Variants in ATM observed in about 807,000 individuals in gnomAD.
The protein encoded by ATM is serine-protein kinase ATM.
A neutral mutation model predicts 387.0 loss-of-function variants in ATM; 308 were observed. The ratio of observed to expected loss-of-function variants is 0.80; its 90% confidence interval spans 0.73 to 0.87. ATM has a LOEUF of 0.87. Among genes scored for constraint, ATM ranks in the 40% least tolerant of loss-of-function variants. The pLI, the probability that ATM is intolerant of heterozygous loss-of-function variation, is 0.00. For missense variants in ATM, 3,312 were observed against 3,560.9 expected (o/e 0.93, Z 1.78); for synonymous variants, 1,156 against 1,187.3 (o/e 0.97, Z 0.54).
Position 108,331,450 on chromosome 11 carries a change from G to A in ATM, c.7522G>A (p.Gly2508Arg), listed in dbSNP as rs754395517. Residue 2508 changes from glycine (G) to arginine (R), a missense_variant, in exon 51 of 63, where the codon GGA (glycine) becomes AGA (arginine). Transcript: ENST00000675843. ...GTCTTTTTTTTAATGGTAGAGAGAC[G>A]GAATGAAGATTCCAACATATAAATT... ...SEVNGMMKRDGMKIPTYKFLP... is the reference protein window; with the variant it reads ...SEVNGMMKRDRMKIPTYKFLP... 1.2e-5 allele frequency: 20 copies of A among 1,611,532 alleles called. No homozygotes were observed. The highest frequency in any genetic ancestry group is 4.5e-5 in the East Asian group (2 of 44,666).
At chr11:108,291,315 T>G (rs1184662746) in intron 29 of ATM, among the ~76,000 whole-genome samples, 1 of 152,266 alleles carries the variant, frequency 6.6e-6, no homozygotes, top group African/African-American at 2.4e-5. Flanking sequence ...CCATTGATTT[T>G]AATGAGATTT....
chr11:108,319,626 C>A (rs1010621160), intron 43 of ATM, among the ~76,000 whole-genome samples: 1 of 152,150 alleles, frequency 6.6e-6, no homozygotes, highest in Non-Finnish European at 1.5e-5. Context: ...ACATAAATTC[C>A]ATGAGAGTAA....
chr11:108,290,638 CAAAAAAAAAAAAAAA>C (rs10603787), intron 29 of ATM: 1 of 68,670 alleles, frequency 1.5e-5, no homozygotes, highest in Non-Finnish European at 2.5e-5. Flanking sequence ...ACTCTTGTCT[CAAAAAAAAAAAAAAA>C]AAAAAAAAAA....
chr11:108,354,448 G>T (rs1050560947), intron 60 of ATM, among the ~76,000 whole-genome samples: 1 of 152,186 alleles, frequency 6.6e-6, no homozygotes, highest in South Asian at 2.1e-4. Flanking sequence ...GCAGTTCCTT[G>T]TAGTTTTCCC....
rs995297275 is a variant in ATM at position 108,257,701 on chromosome 11, C to T, written c.2376+95C>T. On this transcript the variant is annotated intron_variant, in intron 15 of 62. Coordinates refer to ENST00000675843, the MANE Select transcript of ATM (RefSeq NM_000051.4). ...GTGGGATTGTCACAACTCATTGTAG[C>T]CTTGACCTCCTGGTTTCCAGCAATT... is the stretch of plus-strand genomic sequence containing the variant. The T allele has an allele frequency of 4.0e-6, 5 of 1,246,234 alleles. No individual in the cohort carries two copies. The South Asian group carries it at 5.0e-5, about 12-fold the overall frequency. 77.2% of individuals were successfully genotyped at this position (1,246,234 alleles called of 1,614,324 possible). A position where few individuals can be genotyped will look rare whatever the true frequency, so the allele number is the denominator to read the frequency against.
At position 108,325,413 on chromosome 11, in the gene ATM, CTACG is replaced by C; in HGVS notation, c.6677_6680del (p.Leu2226ProfsTer8). 1 of 1,613,766 alleles carries C rather than the reference CTACG, an allele frequency of 6.2e-7. No individual in the cohort carries two copies. Among genetic ancestry groups the C allele is most frequent in the Middle Eastern group, 1.7e-4 (1 of 6,058 alleles). ...TAGTTTTCAGGAGCCTATCATGGCT[CTACG>C]CACAGTCATTTTGGAGATCCTGATG... On this transcript the variant is annotated frameshift_variant, in exon 46 of 63. Coordinates refer to ENST00000675843, the MANE Select transcript of ATM (RefSeq NM_000051.4). LOFTEE classifies it high-confidence loss of function.
chr11:108,295,029 C>A lies in ATM; in HGVS notation c.4879C>A (p.Gln1627Lys), dbSNP rs886039592. 1 of 1,613,892 alleles carries A rather than the reference C, an allele frequency of 6.2e-7. No individual in the cohort carries two copies. The highest frequency in any genetic ancestry group is 8.5e-7 in the Non-Finnish European group (1 of 1,179,890). The stretch of plus-strand genomic sequence containing the variant: ...AAGACAACTGGAACTACATAAAGAT[C>A]AGATGGTGGACATTATGAGAGCTTC... ...LRRQLELHKD[Q>K]MVDIMRASQD... is the part of the protein sequence containing the mutation. The change falls in exon 32 of 63, where the codon CAG becomes AAG. Residue 1627 changes from glutamine (Q) to lysine (K), a missense_variant. Physicochemically the swap from Gln to Lys is moderately conservative, Grantham distance 53. Coordinates refer to ENST00000675843, the MANE Select transcript of ATM (RefSeq NM_000051.4).
chr11:108,305,480 T>C (rs1328856012), intron 37 of ATM, among the ~76,000 whole-genome samples: 2 of 152,074 alleles, frequency 1.3e-5, no homozygotes, highest in Non-Finnish European at 2.9e-5. Context: ...CTTGGGAGGC[T>C]GAGGCAGGAG....
intron 31 of ATM, among the ~76,000 whole-genome samples, chr11:108,293,895 AT>A (rs61011291): frequency 0.016 from 1,497 of 92,668 alleles, 20 homozygotes; most frequent in African/African-American, 0.043. Flanking sequence ...AAAAAAAAAA[AT>A]ATATATATAT....
chr11:108,333,022 AT>A, intron 53 of ATM, 122 bp downstream of exon 53: 1 of 1,254,664 alleles, frequency 8.0e-7, no homozygotes, highest in Non-Finnish European at 1.1e-6. Context: ...CAAAAGCTTA[AT>A]TTATATCTGA....
chr11:108,249,432 C>T (rs1299460934), intron 9 of ATM, among the ~76,000 whole-genome samples: 1 of 152,270 alleles, frequency 6.6e-6, no homozygotes, highest in East Asian at 1.9e-4. Context: ...TTTTAGCATA[C>T]GTAGCACCTT....
rs1565357383 is a variant in ATM, at chr11:108,235,822, C to T, written c.484C>T (p.Gln162Ter). ...AAAATACTGGTGTGAAATATCTCAG[C>T]AACAGTGGTTAGGTATGTTTTGAAG... The part of the protein sequence containing the change: ...VRKYWCEISQ[Q>*]QWLELFSVYF... Residue 162 changes from glutamine to a stop codon, truncating the protein, a stop_gained, in exon 5 of 63, where the codon CAA (glutamine) becomes TAA (stop). Transcript: ENST00000675843. LOFTEE classifies it high-confidence loss of function. 1 of 1,613,776 alleles carries T rather than the reference C, an allele frequency of 6.2e-7. No homozygotes were observed. The highest frequency in any genetic ancestry group is 8.5e-7 in the Non-Finnish European group (1 of 1,179,834).
chr11:108,367,918 ACTTAAAATGT>A lies in ATM; in HGVS notation c.*2414_*2423del, dbSNP rs1249951277. On this transcript the variant is annotated 3_prime_UTR_variant, in exon 63 of 63. Transcript: ENST00000675843. ...ATAGTAAATCAAGGAAATGCAGTAA[ACTTAAAATGT>A]CTTTAAGAAAGCCCTGAAATCTTCA... is the stretch of plus-strand genomic sequence containing the variant. 13 of 206,602 alleles carry A rather than the reference ACTTAAAATGT, an allele frequency of 6.3e-5. No homozygotes were observed. Among genetic ancestry groups the A allele is most frequent in the Admixed American group, 3.6e-4 (6 of 16,816 alleles). 12.8% of individuals were successfully genotyped at this position (206,602 alleles called of 1,614,324 possible).
At chr11:108,266,872 T>C (rs897490504) in intron 16 of ATM, among the ~76,000 whole-genome samples, 6 of 150,396 alleles carry the variant, frequency 4.0e-5, no homozygotes, top group South Asian at 2.1e-4. Flanking sequence ...CTCAGCTCAC[T>C]GCAATCTCTG....
intron 1 of ATM, chr11:108,224,384 T>G (rs1398484047): frequency 6.6e-6 from 1 of 152,216 alleles, no homozygotes; most frequent in African/African-American, 2.4e-5. Flanking sequence ...GGTTGAGATC[T>G]AAAAAGGAAC....
intron 28 of ATM, 50 bp downstream of exon 28, chr11:108,289,153 T>C (rs2082651704): frequency 1.2e-5 from 18 of 1,542,952 alleles, no homozygotes; most frequent in Non-Finnish European, 1.5e-5. Flanking sequence ...CTTTTTTAGC[T>C]AAAAAAACTT....
intron 13 of ATM, among the ~76,000 whole-genome samples, chr11:108,254,293 G>C (rs2080338247): frequency 6.6e-6 from 1 of 152,042 alleles, no homozygotes; most frequent in Admixed American, 6.6e-5. Context: ...GGTTAGTGAG[G>C]AATAGTAAGA....
chr11:108,224,067 T>G (rs774709834), intron 1 of ATM: 4 of 152,244 alleles, frequency 2.6e-5, no homozygotes, highest in African/African-American at 9.6e-5. Context: ...GTTAATATGA[T>G]CATTGCTAAC....
intron 33 of ATM, 140 bp downstream of exon 33, chr11:108,297,522 C>A: frequency 1.3e-6 from 1 of 754,234 alleles, no homozygotes; most frequent in Non-Finnish European, 2.3e-6. Context: ...AGGTTTGTAG[C>A]CTAGGTGTGT....
Sources: gnomAD v4.1 joint callset for allele counts (sites outside exome capture counted in the v4.1 genomes callset) on GRCh38, gnomAD v4.1.1 for gene constraint, MANE v1.5 for transcripts, NCBI Gene and HGNC (gene_info 2026-07-23, HGNC 2026-07-21) for gene names.